AGBL4: variants seen among roughly 807,000 people sequenced by gnomAD.
AGBL4 encodes the protein cytosolic carboxypeptidase 6.
Under a neutral mutation model 66.4 loss-of-function variants are expected in AGBL4, and 58 were observed. The ratio of observed to expected loss-of-function variants is 0.87; its 90% CI spans 0.71 to 1.09. The LOEUF (loss-of-function observed/expected upper bound fraction) is 1.09. Ranked by LOEUF, AGBL4 falls within the 50% of genes least tolerant of loss-of-function variation. The pLI, the probability that AGBL4 is intolerant of heterozygous loss-of-function variation, is 0.00. For missense variants in AGBL4, 579 were observed against 631.0 expected, an observed-to-expected ratio of 0.92 and a Z score of 0.88; for synonymous variants, 234 against 222.9, an observed-to-expected ratio of 1.05 and a Z score of -0.44.
rs1648872465 is a variant in AGBL4, at chr1:49,508,204, A to G, written c.282+189109T>C. Among the ~76,000 whole-genome samples the G allele has an allele frequency of 4.6e-5, 7 of 152,016 alleles. No homozygotes were observed. The South Asian group carries it at 1.4e-3, about 31-fold the overall frequency. ...GTTAGAGCATCAGAACCTCATAATT[A>G]AGAGTTACCTTACAGATTATCTATT... On this transcript the variant is annotated intron_variant, in intron 3 of 13. Transcript: ENST00000371839.
intron 3 of AGBL4, among the ~76,000 whole-genome samples, chr1:49,373,132 C>T (rs1173226871): frequency 6.6e-6 from 1 of 152,196 alleles, no homozygotes; most frequent in African/African-American, 2.4e-5. Flanking sequence ...ACCTTCTACA[C>T]TCTGTATCTC....
intron 6 of AGBL4, among the ~76,000 whole-genome samples, chr1:48,849,897 G>A (rs1355842318): frequency 2.0e-5 from 3 of 152,054 alleles, no homozygotes; most frequent in Admixed American, 6.6e-5. Flanking sequence ...CGCTGGAACC[G>A]GGGAGGCAGA....
chr1:49,983,793 A>T (rs1268426212), intron 1 of AGBL4, among the ~76,000 whole-genome samples: 3 of 152,240 alleles, frequency 2.0e-5, no homozygotes, highest in African/African-American at 7.2e-5. Context: ...TAGATCAGTT[A>T]TGCATACCTG....
intron 6 of AGBL4, among the ~76,000 whole-genome samples, chr1:48,792,694 AG>A (rs1645579509): frequency 6.6e-6 from 1 of 152,230 alleles, no homozygotes; most frequent in South Asian, 2.1e-4. Flanking sequence ...GAAGCTTAGC[AG>A]GTGTGGGAAA....
At chr1:49,790,578 A>G (rs1359938534) in intron 2 of AGBL4, among the ~76,000 whole-genome samples, 1 of 152,184 alleles carries the variant, frequency 6.6e-6, no homozygotes, top group Non-Finnish European at 1.5e-5. Context: ...AATTGAGTTT[A>G]TACAGCAATT....
intron 4 of AGBL4, among the ~76,000 whole-genome samples, chr1:49,114,559 C>T (rs1645477043): frequency 6.6e-6 from 1 of 152,202 alleles, no homozygotes; most frequent in African/African-American, 2.4e-5. Flanking sequence ...AACAACATGA[C>T]TGTTTGGTGG....
chr1:48,908,841 G>A (rs894732679), intron 5 of AGBL4, among the ~76,000 whole-genome samples: 1 of 151,524 alleles, frequency 6.6e-6, no homozygotes, highest in African/African-American at 2.4e-5. Flanking sequence ...CATCATTTTT[G>A]GTATTTTGAA....
chr1:49,701,049 C>T (rs944109136), intron 2 of AGBL4, among the ~76,000 whole-genome samples: 21 of 151,994 alleles, frequency 1.4e-4, no homozygotes, highest in Non-Finnish European at 2.6e-4. Context: ...AAATAAACCA[C>T]ATATTATTAA....
intron 3 of AGBL4, among the ~76,000 whole-genome samples, chr1:49,273,816 C>T (rs1175805272): frequency 6.6e-6 from 1 of 152,118 alleles, no homozygotes; most frequent in African/African-American, 2.4e-5. Context: ...GCTGGGACTA[C>T]AGGCACGTGC....
chr1:49,869,583 G>A (rs570315104), intron 1 of AGBL4, among the ~76,000 whole-genome samples: 5 of 152,208 alleles, frequency 3.3e-5, no homozygotes, highest in African/African-American at 4.8e-5. Flanking sequence ...AACACACACC[G>A]GGGCCTGTCT....
At chr1:49,455,767 T>A (rs1051490923) in intron 3 of AGBL4, among the ~76,000 whole-genome samples, 2 of 151,690 alleles carry the variant, frequency 1.3e-5, no homozygotes, top group African/African-American at 4.8e-5. Context: ...CAGTCTCTTA[T>A]ACCTCATCTC....
chr1:49,174,454 GC>G (rs1557700601), intron 4 of AGBL4, among the ~76,000 whole-genome samples: 1 of 152,110 alleles, frequency 6.6e-6, no homozygotes, highest in East Asian at 1.9e-4. Flanking sequence ...GTCATATTTA[GC>G]AGGTAAGTTC....
intron 1 of AGBL4, among the ~76,000 whole-genome samples, chr1:49,937,235 G>T (rs925257787): frequency 5.3e-5 from 8 of 151,868 alleles, no homozygotes; most frequent in African/African-American, 1.7e-4. Flanking sequence ...GATCAAAAGA[G>T]ACAAAAAAGG....
intron 3 of AGBL4, among the ~76,000 whole-genome samples, chr1:49,396,421 T>A (rs1644976698): frequency 6.6e-6 from 1 of 152,202 alleles, no homozygotes; most frequent in South Asian, 2.1e-4. Flanking sequence ...TGCATATATG[T>A]TTGGAAAGTA....
At position 49,260,927 on chromosome 1, in the gene AGBL4, G is replaced by A. The variant is rs1207498986; in HGVS notation, c.283-15063C>T. Among the ~76,000 whole-genome samples, 171 of 148,484 alleles carry A rather than the reference G, an allele frequency of 1.2e-3. 2 individuals are homozygous for A. Among genetic ancestry groups the A allele is most frequent in the African/African-American group, 4.1e-3 (165 of 40,392 alleles). ...ATCCTCAATAAAATACTGGCAAACC[G>A]AATTCAGCAGCACATCAAAAAGCTT... On this transcript the variant is annotated intron_variant, in intron 3 of 13. Transcript: ENST00000371839.
At chr1:49,946,599 A>G (rs1655230698) in intron 1 of AGBL4, among the ~76,000 whole-genome samples, 1 of 152,032 alleles carries the variant, frequency 6.6e-6, no homozygotes, top group Non-Finnish European at 1.5e-5. Context: ...CACCTACATC[A>G]AAAAGTCTGA....
chr1:48,803,386 T>C (rs139829201), intron 6 of AGBL4, among the ~76,000 whole-genome samples: 102 of 152,344 alleles, frequency 6.7e-4, no homozygotes, highest in African/African-American at 2.4e-3. Context: ...CTGCCTACAG[T>C]GGATGTTCTG....
intron 2 of AGBL4, among the ~76,000 whole-genome samples, chr1:49,702,319 C>T (rs1647111931): frequency 1.3e-5 from 2 of 152,014 alleles, no homozygotes; most frequent in East Asian, 1.9e-4. Flanking sequence ...GGTGAAAACT[C>T]GTCTCTACTA....
At chr1:48,826,445 C>A (rs1646428254) in intron 6 of AGBL4, among the ~76,000 whole-genome samples, 1 of 152,188 alleles carries the variant, frequency 6.6e-6, no homozygotes, top group African/African-American at 2.4e-5. Flanking sequence ...GAGCTACAAT[C>A]CCAGTCCACC....
Sources: gnomAD v4.1 joint callset for allele counts (sites outside exome capture counted in the v4.1 genomes callset) on GRCh38, gnomAD v4.1.1 for gene constraint, MANE v1.5 for transcripts, NCBI Gene and HGNC (gene_info 2026-07-23, HGNC 2026-07-21) for gene names.